Variants in HEATR1 observed in about 807,000 individuals in gnomAD.
HEATR1 encodes the protein HEAT repeat-containing protein 1.
A neutral mutation model predicts 248.2 loss-of-function variants in HEATR1; 77 were observed. The ratio of observed to expected loss-of-function variants is 0.31; its 90% confidence interval spans 0.26 to 0.37. HEATR1 has a LOEUF of 0.37. HEATR1 is among the 10% of genes least tolerant of loss of function. The pLI is 1.00. For missense variants in HEATR1, 2,420 were observed against 2,504.9 expected, an observed-to-expected ratio of 0.97 and a Z score of 0.72; for synonymous variants, 897 against 923.1, an observed-to-expected ratio of 0.97 and a Z score of 0.51.
chr1:236,591,074 C>G, intron 11 of HEATR1, 120 bp from the exon 12 acceptor site: 1 of 430,654 alleles, frequency 2.3e-6, no homozygotes, highest in Non-Finnish European at 4.1e-6. Context: ...AACCATCTAA[C>G]TACAGAAAAC....
intron 31 of HEATR1, among the ~76,000 whole-genome samples, chr1:236,564,984 A>T (rs1467755210): frequency 6.6e-6 from 1 of 151,552 alleles, no homozygotes; most frequent in African/African-American, 2.4e-5. Context: ...TTCTTTATTC[A>T]ATGTGTCTAA....
intron 20 of HEATR1, among the ~76,000 whole-genome samples, chr1:236,577,662 AT>A (rs1363742659): frequency 6.6e-6 from 1 of 151,376 alleles, no homozygotes; most frequent in Non-Finnish European, 1.5e-5. Context: ...CTAATTTTGT[AT>A]TTTTAGTAGA....
intron 3 of HEATR1, among the ~76,000 whole-genome samples, chr1:236,600,539 ATT>A (rs112529952): frequency 7.3e-6 from 1 of 137,270 alleles, no homozygotes; most frequent in African/African-American, 2.7e-5. Flanking sequence ...CTTTTATTAG[ATT>A]TTTTTTTTTT....
chr1:236,579,487 C>A (rs1034902236), intron 20 of HEATR1, among the ~76,000 whole-genome samples: 9 of 152,062 alleles, frequency 5.9e-5, no homozygotes, highest in Admixed American at 5.9e-4. Flanking sequence ...TTTTGAAAAC[C>A]CACAAGTTTA....
intron 6 of HEATR1, 97 bp downstream of exon 6, chr1:236,596,739 T>C (rs1278209574): frequency 3.4e-6 from 4 of 1,182,256 alleles, no homozygotes; most frequent in Admixed American, 2.4e-5. Context: ...TGAAATAAAC[T>C]GTCAATTTAA....
In HEATR1 at chr1:236,566,664, C is replaced by T. The variant is rs140284153; in HGVS notation, c.4290G>A (p.Ala1430=). The part of the protein sequence containing the change: ...FEQYVTKTVL[A]AAYGEKDAIL... The stretch of plus-strand genomic sequence containing the variant: ...TTCTGACCTTTTCGCCATAGGCAGC[C>T]GCCAGCACTGTTTTTGTGACATACT... Residue 1430 remains alanine, a synonymous_variant, in exon 30 of 45, where the codon GCG becomes GCA. Transcript: ENST00000366582. The T allele has an allele frequency of 6.0e-5, 97 of 1,613,722 alleles. No individual in the cohort carries two copies. In the African/African-American group the frequency reaches 1.0e-3, roughly 17 times the overall value.
At chr1:236,584,749 G>C (rs1663839888) in intron 17 of HEATR1, among the ~76,000 whole-genome samples, 1 of 152,234 alleles carries the variant, frequency 6.6e-6, no homozygotes, top group Middle Eastern at 3.4e-3. Flanking sequence ...GTGTAGCTTG[G>C]GTAATTATCC....
intron 31 of HEATR1, among the ~76,000 whole-genome samples, chr1:236,565,426 C>T (rs570910884): frequency 3.2e-4 from 49 of 152,238 alleles, no homozygotes; most frequent in Non-Finnish European, 6.5e-4. Context: ...GTAGCTGGGA[C>T]CACAGGCTAA....
Position 236,594,140 on chromosome 1 carries a change from G to T in HEATR1, c.1091-26C>A, listed in dbSNP as rs757899462. The T allele has an allele frequency of 1.9e-5, 28 of 1,443,428 alleles. No individual in the cohort carries two copies. The South Asian group carries it at 3.4e-4, about 18-fold the overall frequency. The allele number at this position is 1,443,428 out of a possible 1,614,324, so 89.4% of individuals were successfully genotyped here. ...CTTAATATGTAAAAATTAAAATTGT[G>T]TTGGGAAAAATTTATTTTGCAAGCT... On this transcript the variant is annotated intron_variant, in intron 8 of 44. Coordinates refer to ENST00000366582, the MANE Select transcript of HEATR1 (RefSeq NM_018072.6).
chr1:236,600,125 T>A (rs757219400), intron 3 of HEATR1, among the ~76,000 whole-genome samples: 2,301 of 121,560 alleles, frequency 0.019, 39 homozygotes, highest in Middle Eastern at 0.074. Flanking sequence ...AACATTTTTT[T>A]TTTTTTTTTT....
chr1:236,603,172 C>G lies in HEATR1; in HGVS notation c.347G>C (p.Trp116Ser), dbSNP rs1369090220. The change falls in exon 3 of 45, where the codon TGG becomes TCG. Residue 116 changes from tryptophan (W) to serine (S), a missense_variant. Trp to Ser is a radical substitution (Grantham distance 177). Transcript: ENST00000366582. ...LLKPAQKCLE[W>S]LIHRFHIHLY... ...TTCTATTAGCTACCTGTGAATCAAC[C>G]ACTCCAGACACTTCTGTGCTGGCTT... is the stretch of plus-strand genomic sequence containing the variant. 1.2e-6 allele frequency: 2 copies of G among 1,611,964 alleles called. No homozygotes were observed. The highest frequency in any genetic ancestry group is 2.2e-5 in the East Asian group (1 of 44,856).
chr1:236,590,238 G>GTT lies in HEATR1; in HGVS notation c.1530+607_1530+608dup, dbSNP rs113697446. Among the ~76,000 whole-genome samples the GTT allele has an allele frequency of 7.9e-3, 1,196 of 151,080 alleles. 15 individuals are homozygous for GTT. Among genetic ancestry groups the GTT allele is most frequent in the African/African-American group, 0.028 (1,154 of 41,158 alleles). Reference sequence around the variant, plus strand: ...AAGACTATCAAAATCAAATTTCTCGGTTTTTTTTTGAAAGAGTCTTGCCCT... The same window carrying GTT: ...AAGACTATCAAAATCAAATTTCTCGGTTTTTTTTTTTGAAAGAGTCTTGCCCT... On this transcript the variant is annotated intron_variant, in intron 12 of 44. Transcript: ENST00000366582.
intron 20 of HEATR1, among the ~76,000 whole-genome samples, chr1:236,577,924 C>T (rs926162829): frequency 2.0e-5 from 3 of 152,190 alleles, no homozygotes; most frequent in Non-Finnish European, 4.4e-5. Context: ...GCACATACAG[C>T]CTTGTACAAG....
chr1:236,555,734 C>T (rs1197402410), intron 39 of HEATR1, 71 bp downstream of exon 39: 1 of 1,606,482 alleles, frequency 6.2e-7, no homozygotes, highest in East Asian at 2.2e-5. Context: ...TGTTACACGG[C>T]TAGATTGTTC....
At chr1:236,567,897 C>G (rs1360283206) in intron 29 of HEATR1, among the ~76,000 whole-genome samples, 1 of 152,234 alleles carries the variant, frequency 6.6e-6, no homozygotes, top group East Asian at 1.9e-4. Context: ...CAACAACTTC[C>G]TGCTGCTTTC....
At chr1:236,589,097 T>C (rs991108838) in intron 12 of HEATR1, among the ~76,000 whole-genome samples, 14 of 152,046 alleles carry the variant, frequency 9.2e-5, no homozygotes, top group African/African-American at 2.9e-4. Flanking sequence ...AGCCTGTAAG[T>C]TGAATGTATG....
chr1:236,569,810 T>C (rs1663375318), intron 28 of HEATR1, among the ~76,000 whole-genome samples: 2 of 152,104 alleles, frequency 1.3e-5, no homozygotes, highest in African/African-American at 4.8e-5. Flanking sequence ...TGAAAACATG[T>C]CCACACAAAA....
At position 236,576,282 on chromosome 1, in the gene HEATR1, C is replaced by A; in HGVS notation, c.3021G>T (p.Val1007=). The change falls in exon 22 of 45, where the codon GTG becomes GTT. Residue 1007 remains valine, a synonymous_variant. Transcript: ENST00000366582. ...SETLKNLLSC[V]YSCPSYIAKD... is the part of the protein sequence containing the mutation. The stretch of plus-strand genomic sequence containing the variant: ...TTGCTATATAAGATGGGCAACTATA[C>A]ACACAACTAAGTAAGTTTTTCAAAG... 1 of 1,611,824 alleles carries A rather than the reference C, an allele frequency of 6.2e-7. No individual in the cohort carries two copies. The highest frequency in any genetic ancestry group is 8.5e-7 in the Non-Finnish European group (1 of 1,179,046).
chr1:236,551,409 TC>T (rs3835675), intron 44 of HEATR1: 100,338 of 165,054 alleles, frequency 0.61, 31,652 homozygotes, highest in Non-Finnish European at 0.69. Flanking sequence ...GGCCTAAGAC[TC>T]TATGTTCCAG....
Sources: gnomAD v4.1 joint callset for allele counts (sites outside exome capture counted in the v4.1 genomes callset) on GRCh38, gnomAD v4.1.1 for gene constraint, MANE v1.5 for transcripts, NCBI Gene and HGNC (gene_info 2026-07-23, HGNC 2026-07-21) for gene names.